Variants in POPDC1 observed in about 807,000 individuals in gnomAD.
POPDC1 encodes the protein popeye domain-containing protein 1.
the POPDC1 span, chr6:105,098,744 G>A: frequency 2.0e-5 from 3 of 152,348 alleles, no homozygotes; most frequent in South Asian, 2.1e-4. Context: ...GAGAGCGCAC[G>A]AGAGAGTTCA....
chr6:105,116,840 C>T, the POPDC1 span: 1 of 1,612,238 alleles, frequency 6.2e-7, no homozygotes, highest in South Asian at 1.1e-5. Context: ...GCATAAAAAT[C>T]TGCAGTTATC....
At chr6:105,129,091 T>C in the POPDC1 span, among the ~76,000 whole-genome samples, 1 of 152,302 alleles carries the variant, frequency 6.6e-6, no homozygotes, top group African/African-American at 2.4e-5. Flanking sequence ...GGTTAACATC[T>C]GAATATCAAT....
the POPDC1 span, among the ~76,000 whole-genome samples, chr6:105,108,996 C>G: frequency 1.3e-5 from 2 of 152,280 alleles, no homozygotes; most frequent in African/African-American, 4.8e-5. Flanking sequence ...GGGTCTCACT[C>G]TGTGCCCAGG....
chr6:105,100,994 A>C, the POPDC1 span: 1 of 1,447,424 alleles, frequency 6.9e-7, no homozygotes, highest in South Asian at 1.5e-5. Flanking sequence ...GGATGCACTA[A>C]AGCAGAATAA....
the POPDC1 span, chr6:105,115,591 C>A: frequency 7.0e-7 from 1 of 1,435,270 alleles, no homozygotes; most frequent in Non-Finnish European, 9.4e-7. Context: ...AAATAGTTAC[C>A]TGCAAAGTTA....
chr6:105,109,704 C>T, the POPDC1 span, among the ~76,000 whole-genome samples: 9 of 139,238 alleles, frequency 6.5e-5, no homozygotes, highest in East Asian at 2.1e-4. Flanking sequence ...GCGGAAGATG[C>T]GGCGAGCTGT....
chr6:105,129,652 GA>G, the POPDC1 span: 6 of 700,488 alleles, frequency 8.6e-6, no homozygotes, highest in Non-Finnish European at 1.4e-5. Flanking sequence ...TGAAACCATG[GA>G]TAGTATACAA....
At chr6:105,127,512 G>C in the POPDC1 span, among the ~76,000 whole-genome samples, 2 of 152,128 alleles carry the variant, frequency 1.3e-5, no homozygotes, top group African/African-American at 4.8e-5. Context: ...GAGTGCAGTG[G>C]TGTGATCATA....
chr6:105,126,112 G>A, the POPDC1 span, among the ~76,000 whole-genome samples: 2 of 151,994 alleles, frequency 1.3e-5, no homozygotes, highest in Non-Finnish European at 2.9e-5. Context: ...TGTAATCTCA[G>A]CTACTCAGGA....
chr6:105,098,545 G>A, the POPDC1 span: 2 of 152,136 alleles, frequency 1.3e-5, no homozygotes, highest in East Asian at 3.9e-4. Flanking sequence ...CCAAACACAT[G>A]CATTACTTTC....
the POPDC1 span, chr6:105,133,531 C>T: frequency 1.9e-6 from 3 of 1,613,592 alleles, no homozygotes. Context: ...AGGTGTAAAA[C>T]CTATGGCAGT....
At chr6:105,124,856 G>A in the POPDC1 span, among the ~76,000 whole-genome samples, 1 of 152,140 alleles carries the variant, frequency 6.6e-6, no homozygotes, top group African/African-American at 2.4e-5. Flanking sequence ...ACAGTGTCCA[G>A]TATTGAGCCA....
At chr6:105,109,914 G>GT in the POPDC1 span, among the ~76,000 whole-genome samples, 1 of 151,540 alleles carries the variant, frequency 6.6e-6, no homozygotes, top group South Asian at 2.1e-4. Flanking sequence ...TTTTTTCACT[G>GT]TAAGGTTTTT....
At chr6:105,101,002 T>C in the POPDC1 span, 1 of 1,472,048 alleles carries the variant, frequency 6.8e-7, no homozygotes, top group Non-Finnish European at 9.1e-7. Context: ...TAAAGCAGAA[T>C]AACCTAAAAG....
the POPDC1 span, among the ~76,000 whole-genome samples, chr6:105,102,173 C>A: frequency 6.6e-6 from 1 of 152,190 alleles, no homozygotes; most frequent in Non-Finnish European, 1.5e-5. Flanking sequence ...ATGCTGAACT[C>A]AGCTGGGGAG....
At chr6:105,129,783 G>A in the POPDC1 span, among the ~76,000 whole-genome samples, 2 of 152,148 alleles carry the variant, frequency 1.3e-5, no homozygotes, top group African/African-American at 4.8e-5. Flanking sequence ...TCTCAGGCAG[G>A]ATATAGCAAA....
At chr6:105,108,426 C>T in the POPDC1 span, among the ~76,000 whole-genome samples, 4 of 151,984 alleles carry the variant, frequency 2.6e-5, no homozygotes, top group Non-Finnish European at 4.4e-5. Context: ...TAGAAATGCC[C>T]GTAGAAACAA....
the POPDC1 span, among the ~76,000 whole-genome samples, chr6:105,131,369 G>C: frequency 8.5e-5 from 13 of 152,156 alleles, no homozygotes; most frequent in East Asian, 3.8e-4. Flanking sequence ...TATAGTCCTG[G>C]TTTGGCCATT....
At chr6:105,106,876 G>A in the POPDC1 span, among the ~76,000 whole-genome samples, 1 of 152,156 alleles carries the variant, frequency 6.6e-6, no homozygotes, top group African/African-American at 2.4e-5. Context: ...CTTTGATACA[G>A]GAATGCAACG....
Sources: allele counts gnomAD v4.1 joint callset (sites outside exome capture counted in the v4.1 genomes callset), GRCh38; gene constraint gnomAD v4.1.1; transcripts MANE v1.5; gene names NCBI Gene and HGNC (gene_info 2026-07-23, HGNC 2026-07-21).